Variants in KSR1 observed in about 807,000 individuals in gnomAD.
The protein encoded by KSR1 is kinase suppressor of ras.
In KSR1, 35 loss-of-function variants were observed where a neutral mutation model predicts 92.9. The ratio of observed to expected loss-of-function variants is 0.38; its 90% CI spans 0.29 to 0.50. The LOEUF (loss-of-function observed/expected upper bound fraction) is 0.50. Among genes scored for constraint, KSR1 ranks in the 20% least tolerant of loss-of-function variants. The pLI is 0.94. For synonymous variants in KSR1, 467 were observed against 472.6 expected (o/e 0.99, Z 0.15); for missense variants, 972 against 1,158.5 (o/e 0.84, Z 2.34).
At chr17:27,480,319 G>A (rs538147064) in intron 1 of KSR1, among the ~76,000 whole-genome samples, 4 of 152,220 alleles carry the variant, frequency 2.6e-5, no homozygotes, top group Admixed American at 1.3e-4. Context: ...TGTTCATTGC[G>A]TGCCTCACCT....
At chr17:27,547,312 C>T (rs2945386) in intron 1 of KSR1, among the ~76,000 whole-genome samples, 49,502 of 152,064 alleles carry the variant, frequency 0.33, 8,473 homozygotes, top group South Asian at 0.38. Flanking sequence ...CTTGACCTGG[C>T]GTCTGTGGAT....
chr17:27,566,327 C>T (rs972569823), intron 2 of KSR1: 2 of 396,524 alleles, frequency 5.0e-6, no homozygotes, highest in Admixed American at 8.8e-5. Flanking sequence ...CAGGCACAAA[C>T]TATTTTTGGC....
At chr17:27,599,161 T>C (rs2073455705) in intron 10 of KSR1, among the ~76,000 whole-genome samples, 1 of 152,272 alleles carries the variant, frequency 6.6e-6, no homozygotes, top group Admixed American at 6.5e-5. Context: ...CTATGCAGCA[T>C]GTGACTGTAC....
chr17:27,506,327 A>C (rs2069379620), intron 1 of KSR1, among the ~76,000 whole-genome samples: 1 of 152,228 alleles, frequency 6.6e-6, no homozygotes. Flanking sequence ...CATGGGAATA[A>C]TACTACCCTA....
chr17:27,572,154 C>G (rs1331505612), intron 2 of KSR1, among the ~76,000 whole-genome samples: 2 of 152,238 alleles, frequency 1.3e-5, no homozygotes, highest in African/African-American at 4.8e-5. Flanking sequence ...TCAACTGGCC[C>G]TGCTCTCCAA....
intron 1 of KSR1, among the ~76,000 whole-genome samples, chr17:27,488,208 A>G (rs2068724211): frequency 6.6e-6 from 1 of 152,244 alleles, no homozygotes; most frequent in Non-Finnish European, 1.5e-5. Context: ...AAAGAATGAT[A>G]AACTGAACAC....
intron 5 of KSR1, chr17:27,586,963 C>T (rs567801183): frequency 1.3e-5 from 2 of 152,306 alleles, no homozygotes; most frequent in Non-Finnish European, 2.9e-5. Context: ...GCCTCTGCCT[C>T]CCGGGTTCAA....
intron 9 of KSR1, among the ~76,000 whole-genome samples, chr17:27,594,220 G>T (rs1192402832): frequency 1.3e-5 from 2 of 152,174 alleles, no homozygotes; most frequent in Non-Finnish European, 2.9e-5. Context: ...CAGGGTATTT[G>T]AAGGGTAAAG....
intron 2 of KSR1, among the ~76,000 whole-genome samples, chr17:27,571,407 A>AGAC (rs1429049033): frequency 6.6e-6 from 1 of 152,154 alleles, no homozygotes; most frequent in African/African-American, 2.4e-5. Flanking sequence ...CTCCCTTGCC[A>AGAC]ATTTGAGACA....
At chr17:27,588,891 CCGCATATCAG>C (rs2073070397) in intron 6 of KSR1, among the ~76,000 whole-genome samples, 1 of 152,220 alleles carries the variant, frequency 6.6e-6, no homozygotes, top group Admixed American at 6.5e-5. Flanking sequence ...CTGAAACTGG[CCGCATATCAG>C]AGTCCGCTGT....
intron 1 of KSR1, among the ~76,000 whole-genome samples, chr17:27,538,160 G>A (rs901063176): frequency 4.6e-5 from 7 of 152,202 alleles, no homozygotes; most frequent in South Asian, 2.1e-4. Context: ...AAACATTAGC[G>A]GTAGAAGGAG....
Position 27,582,782 on chromosome 17 carries a change from C to A in KSR1, c.657C>A (p.Gly219=). ...GGAGCTCCCAGCTGGGCAGAGCAGG[C>A]AACAGCGCCCAGGGCCCACGCTCCA... ...PPGSSQLGRA[G]NSAQGPRSIS... is the part of the protein sequence containing the mutation. The change falls in exon 4 of 21, where the codon GGC becomes GGA. Residue 219 remains glycine (G), a synonymous_variant. Coordinates refer to ENST00000644974, the MANE Select transcript of KSR1 (RefSeq NM_001394583.1). 6.2e-7 allele frequency: 1 copy of A among 1,613,728 alleles called. No homozygotes were observed. The highest frequency in any genetic ancestry group is 8.5e-7 in the Non-Finnish European group (1 of 1,179,780).
At chr17:27,589,035 G>A (rs902275863) in intron 6 of KSR1, among the ~76,000 whole-genome samples, 2 of 152,216 alleles carry the variant, frequency 1.3e-5, no homozygotes, top group African/African-American at 4.8e-5. Context: ...GCATGTGTGA[G>A]CCTCCACAGA....
chr17:27,502,505 C>G (rs976452360), intron 1 of KSR1, among the ~76,000 whole-genome samples: 10 of 152,224 alleles, frequency 6.6e-5, no homozygotes, highest in Non-Finnish European at 1.2e-4. Flanking sequence ...AAAATCGACT[C>G]CATCCTCTCC....
Position 27,605,498 on chromosome 17 carries a change from C to T in KSR1, c.1679C>T (p.Pro560Leu), listed in dbSNP as rs200404555. Residue 560 changes from proline to leucine, a missense_variant, in exon 14 of 21, where the codon CCG (proline) becomes CTG (leucine). By Grantham distance (98) the Pro-to-Leu change is moderately conservative. Transcript: ENST00000644974. ...GATGAGGACGAGGTGGACGACTTGC[C>T]GAGCTCTCGCCGGCCCTGGCGGGGC... ...EDDEDEVDDLPSSRRPWRGPI... is the reference protein window; with the variant it reads ...EDDEDEVDDLLSSRRPWRGPI... 1,897 of 1,605,106 alleles carry T rather than the reference C, an allele frequency of 1.2e-3. 8 individuals are homozygous for T. The highest frequency in any genetic ancestry group is 4.7e-3 in the South Asian group (417 of 89,128).
chr17:27,547,319 G>A (rs1008478531), intron 1 of KSR1, among the ~76,000 whole-genome samples: 1 of 152,188 alleles, frequency 6.6e-6, no homozygotes, highest in African/African-American at 2.4e-5. Flanking sequence ...TGGCGTCTGT[G>A]GATAGAATTC....
intron 1 of KSR1, among the ~76,000 whole-genome samples, chr17:27,482,254 A>C (rs2068534076): frequency 6.6e-6 from 1 of 152,156 alleles, no homozygotes; most frequent in Non-Finnish European, 1.5e-5. Context: ...GCAAAAAAAA[A>C]AATTATATGT....
rs771583118 is a variant in KSR1 at position 27,488,979 on chromosome 17, T to TA, written c.231+32111dup. ...CTCCATCTCAAAAAAAATTTTTTTTTAAAAAATGTCGTGTTGTCTCAGCAT... is the reference window on the plus strand; with the variant it reads ...CTCCATCTCAAAAAAAATTTTTTTTTAAAAAAATGTCGTGTTGTCTCAGCAT... On this transcript the variant is annotated intron_variant, in intron 1 of 20. Coordinates refer to ENST00000644974, the MANE Select transcript of KSR1 (RefSeq NM_001394583.1). 2.6e-5 allele frequency among the ~76,000 whole-genome samples: 4 copies of TA among 152,038 alleles called. No homozygotes were observed. The East Asian group carries it at 7.7e-4, about 29-fold the overall frequency.
chr17:27,561,851 CTGT>C (rs2151115732), intron 2 of KSR1, among the ~76,000 whole-genome samples: 1 of 152,022 alleles, frequency 6.6e-6, no homozygotes, highest in East Asian at 1.9e-4. Context: ...GTTTGTTTGT[CTGT>C]TGTTTGTTTG....
Sources: gnomAD v4.1 joint callset for allele counts (sites outside exome capture counted in the v4.1 genomes callset) on GRCh38, gnomAD v4.1.1 for gene constraint, MANE v1.5 for transcripts, NCBI Gene and HGNC (gene_info 2026-07-23, HGNC 2026-07-21) for gene names.